The following ARHGAP32 variants were observed in gnomAD, a reference collection of about 807,000 sequenced individuals.
The protein encoded by ARHGAP32 is Rho GTPase activating protein 32.
ARHGAP32 carries 51 observed loss-of-function variants against 186.5 expected under a neutral mutation model. That is an observed-to-expected ratio of 0.27 (90% CI 0.22 to 0.35). The LOEUF (loss-of-function observed/expected upper bound fraction) is 0.35, where lower values mean the gene tolerates loss of function less well. Among genes scored for constraint, ARHGAP32 ranks in the 10% least tolerant of loss-of-function variants. ARHGAP32 has a pLI of 1.00. For synonymous variants in ARHGAP32, 950 were observed against 964.3 expected (o/e 0.99, Z 0.27); for missense variants, 2,186 against 2,623.5 (o/e 0.83, Z 3.64).
At chr11:129,169,213 A>C (rs1943701735) in intron 1 of ARHGAP32, among the ~76,000 whole-genome samples, 1 of 152,212 alleles carries the variant, frequency 6.6e-6, no homozygotes. Flanking sequence ...CCAAAGGTTG[A>C]TTCTTTAAAA....
At chr11:129,032,654 A>G (rs573170082) in intron 11 of ARHGAP32, among the ~76,000 whole-genome samples, 1 of 152,372 alleles carries the variant, frequency 6.6e-6, no homozygotes, top group East Asian at 1.9e-4. Flanking sequence ...AAGTACCAAA[A>G]GTATTTTTTG....
intron 11 of ARHGAP32, among the ~76,000 whole-genome samples, chr11:129,024,929 T>C (rs1197963138): frequency 6.6e-6 from 1 of 152,226 alleles, no homozygotes; most frequent in Admixed American, 6.5e-5. Context: ...GATTCAATAC[T>C]TCTACTAAAT....
intron 6 of ARHGAP32, among the ~76,000 whole-genome samples, chr11:129,091,202 C>T (rs902009117): frequency 5.3e-5 from 8 of 152,032 alleles, no homozygotes; most frequent in African/African-American, 1.7e-4. Flanking sequence ...TAAATGAGAT[C>T]GGTATAACTA....
At chr11:129,276,426 G>A (rs1031303124) in intron 1 of ARHGAP32, among the ~76,000 whole-genome samples, 9 of 151,856 alleles carry the variant, frequency 5.9e-5, no homozygotes, top group African/African-American at 1.9e-4. Flanking sequence ...TCAACCTCCC[G>A]AGTAGCCAGG....
At chr11:129,150,225 T>A (rs968003428) in intron 2 of ARHGAP32, among the ~76,000 whole-genome samples, 2 of 151,936 alleles carry the variant, frequency 1.3e-5, no homozygotes, top group Non-Finnish European at 1.5e-5. Flanking sequence ...AAAAGAAATC[T>A]AAAGTTTAGA....
In ARHGAP32 at chr11:128,973,281, T is replaced by C; in HGVS notation, c.3225A>G (p.Arg1075=). The C allele has an allele frequency of 1.2e-6, 2 of 1,614,012 alleles. No individual in the cohort carries two copies. Among genetic ancestry groups the C allele is most frequent in the Middle Eastern group, 3.4e-4 (2 of 5,922 alleles). ...TATACCCAGCCTGAGAGGTCCCTGG[T>C]CTCTTCAATGACTGAGTTGAGGCTT... ...AQQASTQSLK[R]PGTSQAGYTN... The change falls in exon 22 of 23, where the codon AGA becomes AGG. Residue 1075 remains arginine, a synonymous_variant. Coordinates refer to ENST00000682385, the MANE Select transcript of ARHGAP32 (RefSeq NM_001378024.1).
chr11:128,971,543 T>G, intron 22 of ARHGAP32: 1 of 173,554 alleles, frequency 5.8e-6, no homozygotes, highest in Admixed American at 5.6e-5. Flanking sequence ...TCTTGTTAAA[T>G]TAAGAGTTAA....
chr11:128,982,027 T>C lies in ARHGAP32; in HGVS notation c.1527-91A>G, dbSNP rs548096873. On this transcript the variant is annotated intron_variant, in intron 15 of 22. Transcript: ENST00000682385. ...TGCTAATTAATTCCTAAGTTTGCAATAGCAAAATGAAGAAAGGGACCATAC... is the reference window on the plus strand; with the variant it reads ...TGCTAATTAATTCCTAAGTTTGCAACAGCAAAATGAAGAAAGGGACCATAC... 6.7e-4 allele frequency: 529 copies of C among 785,610 alleles called. 1 individual carries two copies. The highest frequency in any genetic ancestry group is 6.6e-4 in the Non-Finnish European group (338 of 508,504). 48.7% of individuals were successfully genotyped at this position (785,610 alleles called of 1,614,324 possible).
intron 10 of ARHGAP32, among the ~76,000 whole-genome samples, chr11:129,043,435 G>C (rs1436308014): frequency 7.9e-6 from 1 of 126,130 alleles, no homozygotes; most frequent in Non-Finnish European, 1.6e-5. Context: ...TGCCCAGTCT[G>C]AAGTGCAACG....
intron 18 of ARHGAP32, 195 bp downstream of exon 18, chr11:128,980,358 G>C (rs1379211069): frequency 2.3e-6 from 1 of 441,730 alleles, no homozygotes; most frequent in Non-Finnish European, 3.9e-6. Context: ...ACATGACATT[G>C]TAAAGCAAGA....
chr11:128,970,377 G>A lies in ARHGAP32; in HGVS notation c.4836C>T (p.Pro1612=), dbSNP rs779902628. The A allele has an allele frequency of 2.5e-6, 4 of 1,614,166 alleles. No individual in the cohort carries two copies. Among genetic ancestry groups the A allele is most frequent in the Non-Finnish European group, 2.5e-6 (3 of 1,180,022 alleles). The change falls in exon 23 of 23, where the codon CCC becomes CCT. Residue 1612 remains proline (P), a synonymous_variant. Transcript: ENST00000682385. This position sits in a 1 kb window ranked among gnomAD's most constrained non-coding sequence, Gnocchi z 5.8. ...CTGGGGGAACTTCTGTCCGTGAAATGGGAACAGAGCGAATCATGGAAGACG... is the reference window on the plus strand; with the variant it reads ...CTGGGGGAACTTCTGTCCGTGAAATAGGAACAGAGCGAATCATGGAAGACG... ...APPSSMIRSV[P]ISRTEVPPDD...
chr11:129,238,180 G>C (rs550316475), intron 1 of ARHGAP32, among the ~76,000 whole-genome samples: 4 of 152,214 alleles, frequency 2.6e-5, no homozygotes, highest in African/African-American at 9.6e-5. Context: ...TGCCATCCTA[G>C]AGACCAAATA....
At position 128,969,268 on chromosome 11, in the gene ARHGAP32, T is replaced by C. The variant is rs761642729; in HGVS notation, c.5945A>G (p.Lys1982Arg). The change falls in exon 23 of 23, where the codon AAG becomes AGG. Residue 1982 changes from lysine to arginine, a missense_variant. Physicochemically the swap from Lys to Arg is conservative, Grantham distance 26. This residue lies in a region of ARHGAP32 where 1,502 missense variants were observed against 1,570.0 expected (regional missense o/e 0.96). Coordinates refer to ENST00000682385, the MANE Select transcript of ARHGAP32 (RefSeq NM_001378024.1). This position sits in a 1 kb window ranked among gnomAD's most constrained non-coding sequence, Gnocchi z 4.8. ...TGACTGAGTGAGGTGTTCTTCCTCC[T>C]TGTAGCAGTCTCTGGAGTGTTTCTC... ...APEKHSRDCY[K>R]EEEHLTQSIV... The C allele has an allele frequency of 9.3e-6, 15 of 1,614,056 alleles. No homozygotes were observed. The highest frequency in any genetic ancestry group is 1.2e-5 in the Non-Finnish European group (14 of 1,180,026).
upstream of ARHGAP32, chr11:129,279,328 C>T (rs1169932167): frequency 6.9e-6 from 1 of 144,930 alleles, no homozygotes; most frequent in Non-Finnish European, 1.5e-5. Context: ...GCCGGGCGTC[C>T]CCCGCGCCAG....
rs540752269 is a variant in ARHGAP32 at position 129,107,928 on chromosome 11, TAA to T, written c.445-14223_445-14222del. Among the ~76,000 whole-genome samples the T allele has an allele frequency of 3.6e-5, 5 of 139,052 alleles. 1 individual carries two copies. The highest frequency in any genetic ancestry group is 2.9e-4 in the Admixed American group (4 of 13,954). The allele number at this position is 139,052 out of a possible 152,430, so 91.2% of individuals were successfully genotyped here. On this transcript the variant is annotated intron_variant, in intron 5 of 22. Coordinates refer to ENST00000682385, the MANE Select transcript of ARHGAP32 (RefSeq NM_001378024.1). ...GTATAGAATTGAAGTTAAGTTGGCA[TAA>T]ATTCAAAATAAACTGTTATAGTTTT... is the stretch of plus-strand genomic sequence containing the variant.
At position 129,245,990 on chromosome 11, in the gene ARHGAP32, T is replaced by C. The variant is rs557191499; in HGVS notation, c.-5+33156A>G. ...ATATTCACTAAACCTTTGATAATAT[T>C]TGATTCATTCATTTATTCAATGGAT... On this transcript the variant is annotated intron_variant, in intron 1 of 6. Transcript: ENST00000525234. Among the ~76,000 whole-genome samples the C allele has an allele frequency of 2.2e-4, 34 of 152,326 alleles. No homozygotes were observed. In the South Asian group the frequency reaches 7.0e-3, roughly 32 times the overall value.
At chr11:129,034,005 A>C (rs983483736) in intron 11 of ARHGAP32, among the ~76,000 whole-genome samples, 3 of 152,204 alleles carry the variant, frequency 2.0e-5, no homozygotes, top group Non-Finnish European at 2.9e-5. Flanking sequence ...GACATCTATT[A>C]CAGTAAGTTT....
intron 11 of ARHGAP32, among the ~76,000 whole-genome samples, chr11:129,036,729 C>T (rs573798884): frequency 6.6e-6 from 1 of 152,270 alleles, no homozygotes; most frequent in Admixed American, 6.5e-5. Context: ...ACTTTCTCAA[C>T]CCTGATAAAG....
At chr11:128,989,516 T>TCTCACACACACACACACACA (rs369034541) in intron 12 of ARHGAP32, among the ~76,000 whole-genome samples, 1 of 138,926 alleles carries the variant, frequency 7.2e-6, no homozygotes, top group Non-Finnish European at 1.5e-5. Flanking sequence ...GTTTTTTATT[T>TCTCACACACACACACACACA]CACACACACA....
Sources: allele counts gnomAD v4.1 joint callset (sites outside exome capture counted in the v4.1 genomes callset), GRCh38; gene constraint gnomAD v4.1.1; regional missense constraint gnomAD v4.1.1; non-coding constraint Gnocchi (gnomAD v3.1); transcripts MANE v1.5; gene names NCBI Gene and HGNC (gene_info 2026-07-23, HGNC 2026-07-21).